ZFYVE9: variants seen among roughly 807,000 people sequenced by gnomAD.
ZFYVE9 encodes zinc finger FYVE domain-containing protein 9.
Under a neutral mutation model 126.7 loss-of-function variants are expected in ZFYVE9, and 43 were observed. The ratio of observed to expected loss-of-function variants is 0.34; its 90% CI spans 0.27 to 0.44. The LOEUF is 0.44. Among genes scored for constraint, ZFYVE9 ranks in the 20% least tolerant of loss-of-function variants. The pLI, the probability that ZFYVE9 is intolerant of heterozygous loss-of-function variation, is 1.00. For synonymous variants in ZFYVE9, 521 were observed against 597.4 expected, an observed-to-expected ratio of 0.87 and a Z score of 1.87; for missense variants, 1,476 against 1,697.0, an observed-to-expected ratio of 0.87 and a Z score of 2.29.
chr1:52,261,333 C>T (rs371824391), intron 4 of ZFYVE9, among the ~76,000 whole-genome samples: 6 of 150,952 alleles, frequency 4.0e-5, no homozygotes, highest in African/African-American at 1.5e-4. Flanking sequence ...AAACTCCTGG[C>T]TTCAAGCCAT....
chr1:52,232,056 C>A (rs12044017), intron 2 of ZFYVE9, among the ~76,000 whole-genome samples: 4 of 152,122 alleles, frequency 2.6e-5, no homozygotes, highest in African/African-American at 9.7e-5. Context: ...AAAGAAATTT[C>A]ATCACTTATT....
intron 8 of ZFYVE9, 86 bp from the exon 9 acceptor site, chr1:52,278,406 G>T: frequency 6.5e-7 from 1 of 1,537,360 alleles, no homozygotes. Flanking sequence ...TCTCTTTTCT[G>T]TGAATAATTA....
chr1:52,261,075 C>T (rs1044773302), intron 4 of ZFYVE9, among the ~76,000 whole-genome samples: 77 of 152,096 alleles, frequency 5.1e-4, no homozygotes, highest in African/African-American at 1.8e-3. Flanking sequence ...TCTTACCCAT[C>T]CTTCAGATTT....
At chr1:52,219,815 CTCTGTCGCCCGGGCTGGAGTGCAGTGA>C (rs1645107510) in intron 2 of ZFYVE9, among the ~76,000 whole-genome samples, 1 of 144,634 alleles carries the variant, frequency 6.9e-6, no homozygotes, top group Non-Finnish European at 1.5e-5. Flanking sequence ...CAGAGTCTTA[CTCTGTCGCCCGGGCTGGAGTGCAGTGA>C]TCTTGGCTCA....
At position 52,334,824 on chromosome 1, in the gene ZFYVE9, G is replaced by A. The variant is rs1646374760; in HGVS notation, c.3670+56G>A. 3.9e-6 allele frequency: 6 copies of A among 1,553,166 alleles called. No individual in the cohort carries two copies. In the Admixed American group the frequency reaches 1.0e-4, roughly 26 times the overall value. On this transcript the variant is annotated intron_variant, in intron 15 of 18. Coordinates refer to ENST00000287727, the MANE Select transcript of ZFYVE9 (RefSeq NM_004799.4). ...AAGGACTGAACTTATGTACATAAAGGGAATCCTTTACACTTCTGCTGTAGA... is the reference window on the plus strand; with the variant it reads ...AAGGACTGAACTTATGTACATAAAGAGAATCCTTTACACTTCTGCTGTAGA...
At chr1:52,217,215 A>G (rs756394526) in intron 2 of ZFYVE9, among the ~76,000 whole-genome samples, 2 of 151,922 alleles carry the variant, frequency 1.3e-5, no homozygotes, top group Non-Finnish European at 1.5e-5. Context: ...CCTATTGGCT[A>G]GGGTTGGATT....
chr1:52,180,487 A>G, intron 1 of ZFYVE9: 1 of 904,372 alleles, frequency 1.1e-6, no homozygotes, highest in Non-Finnish European at 1.8e-6. Context: ...CCAGTTGAAG[A>G]TGTATTGCTG....
chr1:52,187,158 G>A (rs571445838), intron 1 of ZFYVE9, among the ~76,000 whole-genome samples: 1 of 151,986 alleles, frequency 6.6e-6, no homozygotes, highest in South Asian at 2.1e-4. Context: ...CCAGAAATAA[G>A]GTCCATACCT....
In ZFYVE9 at chr1:52,245,361, G is replaced by A. The variant is rs555526796; in HGVS notation, c.2178+5766G>A. Among the ~76,000 whole-genome samples, 17 of 152,248 alleles carry A rather than the reference G, an allele frequency of 1.1e-4. No homozygotes were observed. The East Asian group carries it at 2.9e-3, about 26-fold the overall frequency. On this transcript the variant is annotated intron_variant, in intron 4 of 18. Transcript: ENST00000287727. ...AAAATGAGAAATGAACAGTTACAAAGCTGCAGATGCTCTGCAGTGGGAAGC... is the reference window on the plus strand; with the variant it reads ...AAAATGAGAAATGAACAGTTACAAAACTGCAGATGCTCTGCAGTGGGAAGC...
At chr1:52,182,580 C>G (rs1002802391) in intron 1 of ZFYVE9, among the ~76,000 whole-genome samples, 4 of 151,804 alleles carry the variant, frequency 2.6e-5, no homozygotes, top group Non-Finnish European at 4.4e-5. Context: ...TCACCACTCC[C>G]TAATCTCAAG....
At chr1:52,185,366 A>T (rs1007440479) in intron 1 of ZFYVE9, among the ~76,000 whole-genome samples, 1 of 152,206 alleles carries the variant, frequency 6.6e-6, no homozygotes. Flanking sequence ...GTAAATTCCC[A>T]TGGAAAGACT....
chr1:52,219,960 T>C (rs1343901309), intron 2 of ZFYVE9, among the ~76,000 whole-genome samples: 1 of 152,022 alleles, frequency 6.6e-6, no homozygotes, highest in East Asian at 1.9e-4. Context: ...GTATTTTTAG[T>C]AGAGACGGGG....
chr1:52,291,901 A>G (rs944377260), intron 10 of ZFYVE9, among the ~76,000 whole-genome samples: 1 of 151,582 alleles, frequency 6.6e-6, no homozygotes, highest in African/African-American at 2.4e-5. Flanking sequence ...AAAAAAAAAA[A>G]AAAAAGAGAA....
intron 4 of ZFYVE9, among the ~76,000 whole-genome samples, chr1:52,255,583 C>CAAA (rs753995875): frequency 1.4e-5 from 1 of 73,776 alleles, no homozygotes; most frequent in Admixed American, 1.6e-4. Context: ...AAAACCATCT[C>CAAA]AAAAAAAAAA....
intron 8 of ZFYVE9, among the ~76,000 whole-genome samples, chr1:52,276,173 T>A (rs972358092): frequency 6.6e-6 from 1 of 152,194 alleles, no homozygotes; most frequent in Admixed American, 6.5e-5. Flanking sequence ...CCCAAAGTGC[T>A]GGGATTACAG....
intron 4 of ZFYVE9, chr1:52,253,696 G>A (rs1645474656): frequency 1.2e-6 from 2 of 1,603,174 alleles, no homozygotes; most frequent in East Asian, 4.5e-5. Flanking sequence ...ACGGGAAATT[G>A]GGTCACAAGC....
At chr1:52,171,507 A>G (rs1572071576) in intron 1 of ZFYVE9, among the ~76,000 whole-genome samples, 1 of 152,190 alleles carries the variant, frequency 6.6e-6, no homozygotes, top group East Asian at 1.9e-4. Flanking sequence ...TCCTTTGGGT[A>G]TATACCCAGT....
At chr1:52,180,610 A>G (rs549255793) in intron 1 of ZFYVE9, 81 of 544,166 alleles carry the variant, frequency 1.5e-4, no homozygotes, top group African/African-American at 1.4e-3. Flanking sequence ...TTAAAAAAGG[A>G]TAAAGTAAGA....
At chr1:52,285,577 T>C (rs1232143346) in intron 10 of ZFYVE9, among the ~76,000 whole-genome samples, 1 of 152,134 alleles carries the variant, frequency 6.6e-6, no homozygotes, top group Non-Finnish European at 1.5e-5. Flanking sequence ...GTGTGCTCCT[T>C]ATGAGAATCT....
Sources: allele counts gnomAD v4.1 joint callset (sites outside exome capture counted in the v4.1 genomes callset), GRCh38; gene constraint gnomAD v4.1.1; transcripts MANE v1.5; gene names NCBI Gene and HGNC (gene_info 2026-07-23, HGNC 2026-07-21).